Variants in FCHSD2 observed in about 807,000 individuals in gnomAD.
FCHSD2 encodes FCH and double SH3 domains 2, also known as F-BAR and double SH3 domains protein 2.
FCHSD2 carries 38 observed loss-of-function variants against 108.1 expected under a neutral mutation model. That is an observed-to-expected ratio of 0.35 (90% CI 0.27 to 0.46). FCHSD2 has a LOEUF of 0.46. Ranked by LOEUF, FCHSD2 falls within the 20% of genes least tolerant of loss-of-function variation. FCHSD2 has a pLI of 1.00. For missense variants in FCHSD2, 751 were observed against 897.8 expected, an observed-to-expected ratio of 0.84 and a Z score of 2.09; for synonymous variants, 279 against 314.7, an observed-to-expected ratio of 0.89 and a Z score of 1.20.
intron 2 of FCHSD2, among the ~76,000 whole-genome samples, chr11:73,114,859 T>G (rs967351492): frequency 6.6e-6 from 1 of 152,096 alleles, no homozygotes; most frequent in Non-Finnish European, 1.5e-5. Context: ...GGGTCTTTTT[T>G]GAAGCTACAA....
chr11:72,923,557 G>C (rs1288516957), intron 8 of FCHSD2, among the ~76,000 whole-genome samples: 1 of 152,036 alleles, frequency 6.6e-6, no homozygotes, highest in South Asian at 2.1e-4. Flanking sequence ...TTTCTCTAAT[G>C]ACTATGTTGA....
Position 72,838,619 on chromosome 11 carries a change from C to T in FCHSD2, c.*172G>A, listed in dbSNP as rs924028259. On this transcript the variant is annotated 3_prime_UTR_variant, in exon 20 of 20. Transcript: ENST00000409418. The stretch of plus-strand genomic sequence containing the variant: ...AAAATGACAACAAAAAAAAAAGGCA[C>T]GAAATATTCAAAACGTGGGAGGAGT... 1.0e-5 allele frequency: 6 copies of T among 594,650 alleles called. No individual in the cohort carries two copies. Among genetic ancestry groups the T allele is most frequent in the East Asian group, 2.8e-5 (1 of 35,902 alleles). 36.8% of individuals were successfully genotyped at this position (594,650 alleles called of 1,614,324 possible).
chr11:73,066,086 G>A (rs1284177406), intron 3 of FCHSD2, among the ~76,000 whole-genome samples: 3 of 152,082 alleles, frequency 2.0e-5, no homozygotes, highest in Non-Finnish European at 4.4e-5. Flanking sequence ...GAGGCATCAC[G>A]CTACCTGACT....
At chr11:72,852,097 T>C (rs1180701201) in intron 13 of FCHSD2, among the ~76,000 whole-genome samples, 1 of 152,002 alleles carries the variant, frequency 6.6e-6, no homozygotes, top group Non-Finnish European at 1.5e-5. Flanking sequence ...CCACGTTGCT[T>C]AGGCTGGTCT....
intron 8 of FCHSD2, among the ~76,000 whole-genome samples, chr11:72,960,536 G>A (rs1856802039): frequency 6.6e-6 from 1 of 152,178 alleles, no homozygotes; most frequent in African/African-American, 2.4e-5. Flanking sequence ...AATGGATTAT[G>A]GCACTTGAGC....
intron 3 of FCHSD2, among the ~76,000 whole-genome samples, chr11:73,064,514 GAGA>G (rs894771710): frequency 7.2e-5 from 11 of 151,994 alleles, no homozygotes; most frequent in African/African-American, 2.7e-4. Context: ...CAGTTTTTTT[GAGA>G]AGATCAACAA....
intron 19 of FCHSD2, 80 bp from the exon 20 acceptor site, chr11:72,838,954 T>C: frequency 7.5e-7 from 1 of 1,338,718 alleles, no homozygotes; most frequent in Non-Finnish European, 1.1e-6. Context: ...TAATCACTCA[T>C]CTGTCCAAGG....
chr11:73,088,109 G>A (rs1336662300), intron 2 of FCHSD2, among the ~76,000 whole-genome samples: 1 of 152,098 alleles, frequency 6.6e-6, no homozygotes, highest in Non-Finnish European at 1.5e-5. Context: ...CTGGCCTCAA[G>A]CAATCCTTCT....
At chr11:73,096,368 C>T (rs1349259895) in intron 2 of FCHSD2, among the ~76,000 whole-genome samples, 1 of 136,088 alleles carries the variant, frequency 7.3e-6, no homozygotes, top group Non-Finnish European at 1.6e-5. Context: ...TGTTGAAACC[C>T]TGCCTCTACA....
chr11:72,958,616 T>A (rs1856760492), intron 8 of FCHSD2, among the ~76,000 whole-genome samples: 1 of 152,202 alleles, frequency 6.6e-6, no homozygotes, highest in African/African-American at 2.4e-5. Flanking sequence ...TTTCAATATT[T>A]TCCTATACTG....
At chr11:72,906,736 G>C (rs1855638211) in intron 9 of FCHSD2, among the ~76,000 whole-genome samples, 1 of 152,074 alleles carries the variant, frequency 6.6e-6, no homozygotes, top group East Asian at 1.9e-4. Context: ...ATGGTTGTAG[G>C]TGTGTGGTGT....
chr11:73,100,804 T>C (rs1860206204), intron 2 of FCHSD2, among the ~76,000 whole-genome samples: 1 of 152,124 alleles, frequency 6.6e-6, no homozygotes, highest in Non-Finnish European at 1.5e-5. Flanking sequence ...GGTGCTATTA[T>C]CATTCGTTTC....
intron 3 of FCHSD2, among the ~76,000 whole-genome samples, chr11:73,025,747 C>T (rs1229381623): frequency 6.6e-6 from 1 of 152,072 alleles, no homozygotes; most frequent in Non-Finnish European, 1.5e-5. Context: ...AACTATATCT[C>T]TAAATTGGTA....
At chr11:73,037,020 A>C (rs1858514264) in intron 3 of FCHSD2, among the ~76,000 whole-genome samples, 2 of 152,250 alleles carry the variant, frequency 1.3e-5, no homozygotes, top group South Asian at 4.1e-4. Context: ...ACTGATATCA[A>C]TTCAAGAGCA....
chr11:73,004,737 G>A (rs1857703786), intron 4 of FCHSD2, among the ~76,000 whole-genome samples: 2 of 152,120 alleles, frequency 1.3e-5, no homozygotes, highest in South Asian at 2.1e-4. Flanking sequence ...AGATAATTAC[G>A]TTGCCTGGTA....
chr11:72,913,620 C>T (rs1855808492), intron 9 of FCHSD2, among the ~76,000 whole-genome samples: 1 of 152,150 alleles, frequency 6.6e-6, no homozygotes, highest in African/African-American at 2.4e-5. Context: ...ATATTGTTCA[C>T]AGTAGCCTCT....
At chr11:73,020,101 T>C (rs911135219) in intron 3 of FCHSD2, among the ~76,000 whole-genome samples, 4 of 152,222 alleles carry the variant, frequency 2.6e-5, no homozygotes, top group African/African-American at 4.8e-5. Flanking sequence ...ATATACTCTT[T>C]GAAACATGCA....
At chr11:73,029,620 G>A (rs546971436) in intron 3 of FCHSD2, among the ~76,000 whole-genome samples, 1 of 152,290 alleles carries the variant, frequency 6.6e-6, no homozygotes, top group Non-Finnish European at 1.5e-5. Context: ...TGCAGACACA[G>A]AGGTAGGAAG....
chr11:73,012,964 G>A (rs1392028469), intron 4 of FCHSD2, among the ~76,000 whole-genome samples: 2 of 152,096 alleles, frequency 1.3e-5, no homozygotes, highest in Admixed American at 6.6e-5. Flanking sequence ...ATGAGATGAT[G>A]AGGAATTAAA....
Sources: gnomAD v4.1 joint callset for allele counts (sites outside exome capture counted in the v4.1 genomes callset) on GRCh38, gnomAD v4.1.1 for gene constraint, MANE v1.5 for transcripts, NCBI Gene and HGNC (gene_info 2026-07-23, HGNC 2026-07-21) for gene names.